Variants in ANKRD13B observed in about 807,000 individuals in gnomAD.
ANKRD13B encodes the protein ankyrin repeat domain 13B.
ANKRD13B carries 33 observed loss-of-function variants against 74.4 expected under a neutral mutation model. The ratio of observed to expected loss-of-function variants is 0.44; its 90% CI spans 0.34 to 0.59. The LOEUF (loss-of-function observed/expected upper bound fraction) is 0.59. Ranked by LOEUF, ANKRD13B falls within the 20% of genes least tolerant of loss-of-function variation. ANKRD13B has a pLI of 0.02. For synonymous variants in ANKRD13B, 341 were observed against 362.9 expected (o/e 0.94, Z 0.68); for missense variants, 676 against 877.9 (o/e 0.77, Z 2.91).
intron 1 of ANKRD13B, among the ~76,000 whole-genome samples, chr17:29,600,288 G>C (rs1198502630): frequency 6.6e-6 from 1 of 152,078 alleles, no homozygotes; most frequent in Non-Finnish European, 1.5e-5. Flanking sequence ...GGGGAGCTCA[G>C]GGATGTGTGG....
rs2034580864 is a variant in ANKRD13B at position 29,611,561 on chromosome 17, A to G, written c.905-18A>G. The G allele has an allele frequency of 1.2e-6, 2 of 1,613,850 alleles. No individual in the cohort carries two copies. Among genetic ancestry groups the G allele is most frequent in the Non-Finnish European group, 1.7e-6 (2 of 1,179,780 alleles). On this transcript the variant is annotated intron_variant, in intron 8 of 14. Transcript: ENST00000394859. The surrounding 1 kb of genome is among the most constrained non-coding windows in gnomAD (Gnocchi z 4.3). ...GTGTGGAGTTGCGGTGTCCTCTGAG[A>G]TGCCACATTTCTTGTAGGCTGTAAG...
rs776472363 is a variant in ANKRD13B, at chr17:29,612,308, G to A, written c.1258+35G>A. On this transcript the variant is annotated intron_variant, in intron 11 of 14. Transcript: ENST00000394859. The surrounding 1 kb of genome is among the most constrained non-coding windows in gnomAD (Gnocchi z 6.1). Reference sequence around the variant, plus strand: ...CACGGCCATTTCTCCTGAGCCCGTGGCGGGCCGACCGGGGTTTAGATGAGG... The same window carrying A: ...CACGGCCATTTCTCCTGAGCCCGTGACGGGCCGACCGGGGTTTAGATGAGG... 6.2e-7 allele frequency: 1 copy of A among 1,612,804 alleles called. No individual in the cohort carries two copies. The highest frequency in any genetic ancestry group is 1.1e-5 in the South Asian group (1 of 91,068).
chr17:29,595,801 C>G (rs1213947928), intron 1 of ANKRD13B, among the ~76,000 whole-genome samples: 1 of 152,150 alleles, frequency 6.6e-6, no homozygotes, highest in Non-Finnish European at 1.5e-5. Flanking sequence ...CCAGGCCAGT[C>G]CTCTCCTTCC....
At chr17:29,596,513 G>C (rs927063901) in intron 1 of ANKRD13B, among the ~76,000 whole-genome samples, 1 of 152,238 alleles carries the variant, frequency 6.6e-6, no homozygotes, top group Non-Finnish European at 1.5e-5. Context: ...GGGAACAGGG[G>C]GAAGGGTTAG....
Position 29,608,723 on chromosome 17 carries a change from G to C in ANKRD13B, c.422-128G>C. The C allele has an allele frequency of 7.6e-7, 1 of 1,313,836 alleles. No individual in the cohort carries two copies. Among genetic ancestry groups the C allele is most frequent in the East Asian group, 2.5e-5 (1 of 39,606 alleles). The allele number at this position is 1,313,836 out of a possible 1,614,324, so 81.4% of individuals were successfully genotyped here. ...TGGCCAGGGAGGGGGTTTTGGAGGA[G>C]AGGCTGCTCTCTCTTCAGTTCCCTC... On this transcript the variant is annotated intron_variant, in intron 4 of 14. Transcript: ENST00000394859. The surrounding 1 kb of genome is among the most constrained non-coding windows in gnomAD (Gnocchi z 6.4).
At chr17:29,599,498 A>C (rs956461062) in intron 1 of ANKRD13B, 2 of 152,196 alleles carry the variant, frequency 1.3e-5, no homozygotes. Flanking sequence ...CAGAGCCTAC[A>C]AGTTTTTCTG....
At chr17:29,605,405 TAC>T (rs890715105) in intron 1 of ANKRD13B, among the ~76,000 whole-genome samples, 1 of 144,550 alleles carries the variant, frequency 6.9e-6, no homozygotes, top group Non-Finnish European at 1.5e-5. Flanking sequence ...TATATATATA[TAC>T]ACACACAAAC....
At chr17:29,605,446 A>G (rs1191662516) in intron 1 of ANKRD13B, among the ~76,000 whole-genome samples, 1 of 151,594 alleles carries the variant, frequency 6.6e-6, no homozygotes, top group East Asian at 1.9e-4. Flanking sequence ...ACACACACAC[A>G]TATATATATA....
chr17:29,609,962 G>A lies in ANKRD13B; in HGVS notation c.822+541G>A. ...TAATCCCAGCGCTTTGGGAGGCCGA[G>A]GTGAGCGGATCACCTGAGGTCAGTT... On this transcript the variant is annotated intron_variant, in intron 7 of 14. Coordinates refer to ENST00000394859, the MANE Select transcript of ANKRD13B (RefSeq NM_152345.5). This position sits in a 1 kb window ranked among gnomAD's most constrained non-coding sequence, Gnocchi z 4.0. 6.6e-6 allele frequency among the ~76,000 whole-genome samples: 1 copy of A among 152,142 alleles called. No homozygotes were observed. Among genetic ancestry groups the A allele is most frequent in the Admixed American group, 6.5e-5 (1 of 15,272 alleles).
chr17:29,596,458 A>G (rs553228754), intron 1 of ANKRD13B, among the ~76,000 whole-genome samples: 1 of 152,328 alleles, frequency 6.6e-6, no homozygotes, highest in South Asian at 2.1e-4. Context: ...CCAGCTGGGC[A>G]TGGTCCTGGT....
chr17:29,612,571 G>C lies in ANKRD13B; in HGVS notation c.1411+17G>C. 1 of 1,010,676 alleles carries C rather than the reference G, an allele frequency of 9.9e-7. No homozygotes were observed. Among genetic ancestry groups the C allele is most frequent in the South Asian group, 1.4e-5 (1 of 73,478 alleles). The allele number at this position is 1,010,676 out of a possible 1,614,324, so 62.6% of individuals were successfully genotyped here. On this transcript the variant is annotated intron_variant, in intron 12 of 14. Transcript: ENST00000394859. This position sits in a 1 kb window ranked among gnomAD's most constrained non-coding sequence, Gnocchi z 6.1. ...GCTCCACGAGTGAGGCCCCCCGCGAGAACGCCTGCCCCTCGGCTCTCCCCG... is the reference window on the plus strand; with the variant it reads ...GCTCCACGAGTGAGGCCCCCCGCGACAACGCCTGCCCCTCGGCTCTCCCCG...
chr17:29,605,106 C>G (rs1484004516), intron 1 of ANKRD13B, among the ~76,000 whole-genome samples: 1 of 152,168 alleles, frequency 6.6e-6, no homozygotes, highest in Non-Finnish European at 1.5e-5. Context: ...GACCCCTATG[C>G]AGATTTCTGG....
intron 1 of ANKRD13B, among the ~76,000 whole-genome samples, chr17:29,599,114 T>C (rs1244739967): frequency 6.6e-6 from 1 of 152,078 alleles, no homozygotes; most frequent in East Asian, 1.9e-4. Flanking sequence ...GGTGGGCTTT[T>C]CTAAGGAGGT....
rs2034507824 is a variant in ANKRD13B, at chr17:29,609,583, TG to T, written c.822+164del. ...CAAGGCACTTCTCTGGTGTTTTATA[TG>T]GATGTATGGATGTATACACAGGGCA... On this transcript the variant is annotated intron_variant, in intron 7 of 14. Coordinates refer to ENST00000394859, the MANE Select transcript of ANKRD13B (RefSeq NM_152345.5). This position sits in a 1 kb window ranked among gnomAD's most constrained non-coding sequence, Gnocchi z 4.0. Among the ~76,000 whole-genome samples, 1 of 152,256 alleles carries T rather than the reference TG, an allele frequency of 6.6e-6. No homozygotes were observed. The highest frequency in any genetic ancestry group is 2.1e-4 in the South Asian group (1 of 4,836).
chr17:29,596,368 G>A (rs998234900), intron 1 of ANKRD13B, among the ~76,000 whole-genome samples: 2 of 152,338 alleles, frequency 1.3e-5, no homozygotes, highest in East Asian at 1.9e-4. Flanking sequence ...CCTGCTTGCC[G>A]CTATGCATGT....
Position 29,613,956 on chromosome 17 carries a change from T to G in ANKRD13B, c.*374T>G. 4.5e-6 allele frequency: 1 copy of G among 223,110 alleles called. No homozygotes were observed. 13.8% of individuals were successfully genotyped at this position (223,110 alleles called of 1,614,324 possible). Reference sequence around the variant, plus strand: ...TCCTTCTGGCCGGTCCGCATTTCTGTTCACTAACCCCACTCCAGGACACTG... The same window carrying G: ...TCCTTCTGGCCGGTCCGCATTTCTGGTCACTAACCCCACTCCAGGACACTG... On this transcript the variant is annotated 3_prime_UTR_variant, in exon 15 of 15. Coordinates refer to ENST00000394859, the MANE Select transcript of ANKRD13B (RefSeq NM_152345.5).
rs375780472 is a variant in ANKRD13B at position 29,597,293 on chromosome 17, C to T, written c.114+3558C>T. 3.9e-5 allele frequency among the ~76,000 whole-genome samples: 6 copies of T among 152,320 alleles called. No individual in the cohort carries two copies. In the South Asian group the frequency reaches 1.2e-3, roughly 32 times the overall value. On this transcript the variant is annotated intron_variant, in intron 1 of 14. Coordinates refer to ENST00000394859, the MANE Select transcript of ANKRD13B (RefSeq NM_152345.5). The stretch of plus-strand genomic sequence containing the variant: ...TGAGGGGTGTTCCTGTGCAAATACG[C>T]ACACACACGTTACACAGGAGTGGAC...
intron 1 of ANKRD13B, among the ~76,000 whole-genome samples, chr17:29,598,455 T>A (rs1425883090): frequency 6.6e-6 from 1 of 152,048 alleles, no homozygotes; most frequent in Non-Finnish European, 1.5e-5. Context: ...TCCCTAATTA[T>A]AAACAATATA....
intron 1 of ANKRD13B, among the ~76,000 whole-genome samples, chr17:29,606,161 T>G (rs2034365788): frequency 6.6e-6 from 1 of 151,886 alleles, no homozygotes; most frequent in Admixed American, 6.6e-5. Flanking sequence ...TCTACCCGCC[T>G]CGGCCTCCCA....
Sources: gnomAD v4.1 joint callset for allele counts (sites outside exome capture counted in the v4.1 genomes callset) on GRCh38, gnomAD v4.1.1 for gene constraint, Gnocchi (gnomAD v3.1) non-coding constraint, MANE v1.5 for transcripts, NCBI Gene and HGNC (gene_info 2026-07-23, HGNC 2026-07-21) for gene names.